Variants in PTPRD observed in about 807,000 individuals in gnomAD.
PTPRD encodes protein tyrosine phosphatase receptor type D, also known as receptor-type tyrosine-protein phosphatase delta.
Under a neutral mutation model 214.5 loss-of-function variants are expected in PTPRD, and 34 were observed. The ratio of observed to expected loss-of-function variants is 0.16; its 90% CI spans 0.12 to 0.21. PTPRD has a LOEUF of 0.21. Among genes scored for constraint, PTPRD ranks in the 10% least tolerant of loss-of-function variants. The pLI, the probability that PTPRD is intolerant of heterozygous loss-of-function variation, is 1.00. For synonymous variants in PTPRD, 1,128 were observed against 845.7 expected (o/e 1.33, Z -5.79); for missense variants, 2,545 against 2,398.7 (o/e 1.06, Z -1.27).
intron 21 of PTPRD, among the ~76,000 whole-genome samples, chr9:8,514,456 G>C (rs10815895): frequency 6.6e-6 from 1 of 151,328 alleles, no homozygotes; most frequent in Admixed American, 6.6e-5. Flanking sequence ...ATTTCAGCCA[G>C]ATTTACTGCT....
chr9:8,686,028 C>T (rs1025321993), intron 12 of PTPRD, among the ~76,000 whole-genome samples: 16 of 152,168 alleles, frequency 1.1e-4, no homozygotes, highest in African/African-American at 3.9e-4. Flanking sequence ...GTGTTCTCAT[C>T]TGAATGCTAA....
chr9:9,441,869 T>G (rs1043498383), intron 8 of PTPRD, among the ~76,000 whole-genome samples: 8 of 152,242 alleles, frequency 5.3e-5, no homozygotes, highest in Admixed American at 4.6e-4. Context: ...TTGCTTCTGC[T>G]GAAACATCGC....
At chr9:9,146,363 A>G (rs1474145539) in intron 10 of PTPRD, among the ~76,000 whole-genome samples, 1 of 152,152 alleles carries the variant, frequency 6.6e-6, no homozygotes, top group Non-Finnish European at 1.5e-5. Flanking sequence ...CAAAATTTAC[A>G]TAGGGTATCA....
At chr9:10,394,186 A>G (rs1331291664) in intron 2 of PTPRD, among the ~76,000 whole-genome samples, 1 of 146,254 alleles carries the variant, frequency 6.8e-6, no homozygotes, top group African/African-American at 2.5e-5. Flanking sequence ...ATCTATATAT[A>G]AAGATATATA....
At chr9:9,527,669 C>T (rs2074442374) in intron 8 of PTPRD, among the ~76,000 whole-genome samples, 1 of 152,062 alleles carries the variant, frequency 6.6e-6, no homozygotes, top group Non-Finnish European at 1.5e-5. Context: ...AGCATCTATC[C>T]TTAGTCATTT....
At chr9:9,096,140 C>T (rs2099783157) in intron 10 of PTPRD, among the ~76,000 whole-genome samples, 1 of 152,132 alleles carries the variant, frequency 6.6e-6, no homozygotes, top group African/African-American at 2.4e-5. Flanking sequence ...ATGACCAAGT[C>T]TAGAGATTTC....
chr9:8,692,399 G>A (rs575632466), intron 12 of PTPRD, among the ~76,000 whole-genome samples: 1 of 152,190 alleles, frequency 6.6e-6, no homozygotes, highest in South Asian at 2.1e-4. Context: ...CCTGTCTTCA[G>A]AAGCCACCTC....
chr9:10,465,106 G>A (rs1230802123), intron 2 of PTPRD, among the ~76,000 whole-genome samples: 1 of 152,118 alleles, frequency 6.6e-6, no homozygotes, highest in Non-Finnish European at 1.5e-5. Context: ...GAGTGCCTTG[G>A]AAGGTATCAG....
chr9:8,946,569 G>C lies in PTPRD; in HGVS notation c.-104+72128C>G, dbSNP rs181524585. On this transcript the variant is annotated intron_variant, in intron 11 of 45. Transcript: ENST00000381196. ...CTTTAGCAGAAGCGCACAGGTCTCT[G>C]TTCAACACTCTTGCATTCTTCTATC... Among the ~76,000 whole-genome samples the C allele has an allele frequency of 4.5e-3, 686 of 152,252 alleles. 4 individuals carry two copies. Among genetic ancestry groups the C allele is most frequent in the African/African-American group, 0.016 (663 of 41,540 alleles).
intron 11 of PTPRD, among the ~76,000 whole-genome samples, chr9:8,742,283 G>A (rs1040045904): frequency 6.6e-6 from 1 of 152,048 alleles, no homozygotes; most frequent in Non-Finnish European, 1.5e-5. Context: ...GATGTTTGAA[G>A]TATATATAGT....
intron 2 of PTPRD, among the ~76,000 whole-genome samples, chr9:10,545,288 A>T (rs2059951258): frequency 6.6e-6 from 1 of 152,142 alleles, no homozygotes; most frequent in South Asian, 2.1e-4. Flanking sequence ...CCTTCCCTGC[A>T]TGCCTGGAGG....
At chr9:9,111,211 A>G (rs1388299292) in intron 10 of PTPRD, among the ~76,000 whole-genome samples, 3 of 131,266 alleles carry the variant, frequency 2.3e-5, no homozygotes, top group African/African-American at 8.5e-5. Flanking sequence ...TTAGATAAAG[A>G]AAAAAAAAAA....
chr9:10,534,125 C>G (rs1306061136), intron 2 of PTPRD, among the ~76,000 whole-genome samples: 1 of 151,682 alleles, frequency 6.6e-6, no homozygotes, highest in African/African-American at 2.4e-5. Context: ...CCCTTACTAT[C>G]ATTGTCAGGT....
intron 11 of PTPRD, among the ~76,000 whole-genome samples, chr9:8,974,542 C>G (rs10977418): frequency 6.6e-6 from 1 of 151,752 alleles, no homozygotes; most frequent in African/African-American, 2.4e-5. Flanking sequence ...TGCTACTTTT[C>G]GAAGGCCAAG....
chr9:10,200,225 A>G (rs2099414161), intron 3 of PTPRD, among the ~76,000 whole-genome samples: 1 of 152,114 alleles, frequency 6.6e-6, no homozygotes, highest in African/African-American at 2.4e-5. Flanking sequence ...TTGTCTTTCT[A>G]AGTATCTATC....
At chr9:10,587,101 G>A (rs2074123542) in intron 2 of PTPRD, among the ~76,000 whole-genome samples, 2 of 152,008 alleles carry the variant, frequency 1.3e-5, no homozygotes, top group African/African-American at 2.4e-5. Context: ...GTTATTACAT[G>A]GATAAAGTGA....
intron 11 of PTPRD, among the ~76,000 whole-genome samples, chr9:8,882,867 G>A (rs933169189): frequency 7.8e-5 from 9 of 115,006 alleles, no homozygotes; most frequent in African/African-American, 1.2e-4. Context: ...CCTGGGTGAC[G>A]GAGCAAGGCT....
At chr9:8,772,609 ATCCAGCCTGGGCAATAGAGCAAG>A (rs2095280982) in intron 11 of PTPRD, among the ~76,000 whole-genome samples, 1 of 152,012 alleles carries the variant, frequency 6.6e-6, no homozygotes, top group African/African-American at 2.4e-5. Context: ...CGCCACTGCA[ATCCAGCCTGGGCAATAGAGCAAG>A]ACCTTGTCTC....
intron 30 of PTPRD, among the ~76,000 whole-genome samples, chr9:8,477,603 T>A (rs1004363372): frequency 2.0e-5 from 3 of 152,168 alleles, no homozygotes; most frequent in Admixed American, 1.3e-4. Flanking sequence ...ATGAATGTCA[T>A]TCCTTGCGTA....
Sources: gnomAD v4.1 joint callset for allele counts (sites outside exome capture counted in the v4.1 genomes callset) on GRCh38, gnomAD v4.1.1 for gene constraint, MANE v1.5 for transcripts, NCBI Gene and HGNC (gene_info 2026-07-23, HGNC 2026-07-21) for gene names.